EXOSC4: variants seen among roughly 807,000 people sequenced by gnomAD.
EXOSC4 encodes the protein exosome complex component RRP41.
EXOSC4 carries 14 observed loss-of-function variants against 20.0 expected under a neutral mutation model. The ratio of observed to expected loss-of-function variants is 0.70; its 90% CI spans 0.46 to 1.09. EXOSC4 has a LOEUF of 1.09. Among genes scored for constraint, EXOSC4 ranks in the 50% least tolerant of loss-of-function variants. EXOSC4 has a pLI of 0.00. For missense variants in EXOSC4, 337 were observed against 334.0 expected, an observed-to-expected ratio of 1.01 and a Z score of -0.07; for synonymous variants, 148 against 146.4, an observed-to-expected ratio of 1.01 and a Z score of -0.08.
Position 144,080,062 on chromosome 8 carries a change from T to G in EXOSC4, c.291T>G (p.Cys97Trp), listed in dbSNP as rs1554763260. ...GGCCACATGGGGACCGTAAGTCCTG[T>G]GAGATGGGCCTGCAGCTCCGCCAGA... The part of the protein sequence containing the change: ...KRRPHGDRKS[C>W]EMGLQLRQTF... The change falls in exon 2 of 3, where the codon TGT becomes TGG. Residue 97 changes from cysteine to tryptophan, a missense_variant. By Grantham distance (215) the Cys-to-Trp change is radical. Transcript: ENST00000316052. This position sits in a 1 kb window ranked among gnomAD's most constrained non-coding sequence, Gnocchi z 4.9. 6.2e-7 allele frequency: 1 copy of G among 1,614,000 alleles called. No homozygotes were observed. Among genetic ancestry groups the G allele is most frequent in the Admixed American group, 1.7e-5 (1 of 60,022 alleles).
chr8:144,072,558 A>G, the EXOSC4 span, among the ~76,000 whole-genome samples: 1 of 152,090 alleles, frequency 6.6e-6, no homozygotes, highest in African/African-American at 2.4e-5. Flanking sequence ...CCCGCAACAT[A>G]CACACGCACC....
chr8:144,080,205 G>A lies in EXOSC4; in HGVS notation c.379-37G>A. 6.2e-7 allele frequency: 1 copy of A among 1,608,528 alleles called. No homozygotes were observed. The highest frequency in any genetic ancestry group is 2.2e-5 in the East Asian group (1 of 44,776). On this transcript the variant is annotated intron_variant, in intron 2 of 2. Coordinates refer to ENST00000316052, the MANE Select transcript of EXOSC4 (RefSeq NM_019037.3). This position sits in a 1 kb window ranked among gnomAD's most constrained non-coding sequence, Gnocchi z 4.9. ...GGGAAGGGTGTGATGGGGTTGGGGA[G>A]GGAGTCTGATAGACTGACACCCTGG...
At chr8:144,071,397 C>T in the EXOSC4 span, among the ~76,000 whole-genome samples, 4 of 149,086 alleles carry the variant, frequency 2.7e-5, no homozygotes, top group Middle Eastern at 3.5e-3. Flanking sequence ...CCACTTCTCC[C>T]GCCTCAGCCT....
At chr8:144,078,403 A>C, upstream of EXOSC4, 11 of 219,184 alleles carry the variant, frequency 5.0e-5, no homozygotes, top group East Asian at 9.3e-5. The surrounding 1 kb of genome is among the most constrained non-coding windows in gnomAD (Gnocchi z 4.7). Flanking sequence ...AGCTCCGGGA[A>C]CGGCTGCGGG....
chr8:144,079,650 C>T, intron 1 of EXOSC4: 1 of 559,646 alleles, frequency 1.8e-6, no homozygotes. Context: ...TAATGTGAAA[C>T]CTTTGTAAGG....
upstream of EXOSC4, among the ~76,000 whole-genome samples, chr8:144,073,715 G>A (rs978541725): frequency 6.6e-6 from 1 of 152,120 alleles, no homozygotes; most frequent in African/African-American, 2.4e-5. Flanking sequence ...GCCAGACATG[G>A]TGGCACACGC....
At chr8:144,072,034 C>T in the EXOSC4 span, among the ~76,000 whole-genome samples, 84 of 152,232 alleles carry the variant, frequency 5.5e-4, no homozygotes, top group African/African-American at 2.0e-3. Context: ...ATATGTGATA[C>T]TGTGTTACAT....
At chr8:144,068,741 G>T in the EXOSC4 span, among the ~76,000 whole-genome samples, 2 of 152,352 alleles carry the variant, frequency 1.3e-5, no homozygotes, top group South Asian at 2.1e-4. Flanking sequence ...CATCATAAAA[G>T]CTCTACTCCA....
At chr8:144,072,078 T>C in the EXOSC4 span, among the ~76,000 whole-genome samples, 3 of 152,228 alleles carry the variant, frequency 2.0e-5, no homozygotes, top group Non-Finnish European at 2.9e-5. Flanking sequence ...TCTGGGTATT[T>C]AGGGTATTTA....
chr8:144,070,878 C>T, the EXOSC4 span, among the ~76,000 whole-genome samples: 5 of 151,970 alleles, frequency 3.3e-5, no homozygotes, highest in South Asian at 1.0e-3. Context: ...CTACAGGAGC[C>T]TCATTGGCTT....
Position 144,079,938 on chromosome 8 carries a change from T to C in EXOSC4, c.172-5T>C. The C allele has an allele frequency of 3.7e-6, 6 of 1,613,852 alleles. No individual in the cohort carries two copies. The highest frequency in any genetic ancestry group is 5.1e-6 in the Non-Finnish European group (6 of 1,179,944). ...GGCCTGGCTCATGTGTCTGTCCTCT[T>C]CCAGATCCGGGGCTCCCGGGCTCGA... is the stretch of plus-strand genomic sequence containing the variant. On this transcript the variant is annotated splice_polypyrimidine_tract_variant and splice_region_variant and intron_variant, in intron 1 of 2. Coordinates refer to ENST00000316052, the MANE Select transcript of EXOSC4 (RefSeq NM_019037.3).
intron 1 of EXOSC4, chr8:144,079,488 G>A (rs1835873704): frequency 2.9e-6 from 1 of 342,170 alleles, no homozygotes; most frequent in East Asian, 7.8e-5. Context: ...CGAAGACCAC[G>A]GTGGTGAAAA....
At chr8:144,077,669 G>A (rs185219434), upstream of EXOSC4, among the ~76,000 whole-genome samples, 23 of 152,340 alleles carry the variant, frequency 1.5e-4, no homozygotes, top group East Asian at 4.0e-3. Flanking sequence ...GACCCACAGA[G>A]TGTGGCAGGA....
upstream of EXOSC4, among the ~76,000 whole-genome samples, chr8:144,075,937 A>G (rs1311760240): frequency 6.6e-6 from 1 of 152,240 alleles, no homozygotes; most frequent in African/African-American, 2.4e-5. Context: ...AAGAGTTAAC[A>G]GCAGGCCTGA....
Position 144,080,455 on chromosome 8 carries a change from C to T in EXOSC4, c.592C>T (p.Leu198=), listed in dbSNP as rs1835889461. The T allele has an allele frequency of 1.9e-6, 3 of 1,609,632 alleles. No individual in the cohort carries two copies. In the South Asian group the frequency reaches 3.3e-5, roughly 18 times the overall value. The stretch of plus-strand genomic sequence containing the variant: ...GCTGCCAGCCTCAGGACAGATTGCG[C>T]TGCTTGAGATGGATGCCCGGCTGCA... ...ALLPASGQIA[L]LEMDARLHED... The change falls in exon 3 of 3, where the codon CTG becomes TTG. Residue 198 remains leucine (L), a synonymous_variant. Transcript: ENST00000316052. This position sits in a 1 kb window ranked among gnomAD's most constrained non-coding sequence, Gnocchi z 4.9.
intron 1 of EXOSC4, 156 bp from the exon 2 acceptor site, chr8:144,079,787 C>G (rs782506778): frequency 5.0e-6 from 4 of 803,848 alleles, no homozygotes; most frequent in South Asian, 4.1e-5. Context: ...GCGACACATG[C>G]AAGACAGAGA....
At chr8:144,072,207 G>C in the EXOSC4 span, among the ~76,000 whole-genome samples, 1 of 151,956 alleles carries the variant, frequency 6.6e-6, no homozygotes, top group Non-Finnish European at 1.5e-5. Context: ...TTGAGACGGA[G>C]TCTCGCTCTG....
the EXOSC4 span, among the ~76,000 whole-genome samples, chr8:144,071,173 TCCCC>T: frequency 9.0e-5 from 2 of 22,198 alleles, no homozygotes; most frequent in Admixed American, 4.6e-4. Context: ...CTCCCTCCCC[TCCCC>T]CTCCCCTCCC....
chr8:144,070,049 T>A, the EXOSC4 span, among the ~76,000 whole-genome samples: 2 of 152,224 alleles, frequency 1.3e-5, no homozygotes, highest in Non-Finnish European at 2.9e-5. Flanking sequence ...ACGGAGTTTA[T>A]GTGTGGGTTT....
Sources: gnomAD v4.1 joint callset for allele counts (sites outside exome capture counted in the v4.1 genomes callset) on GRCh38, gnomAD v4.1.1 for gene constraint, Gnocchi (gnomAD v3.1) non-coding constraint, MANE v1.5 for transcripts, NCBI Gene and HGNC (gene_info 2026-07-23, HGNC 2026-07-21) for gene names.